Variants in SPOCK1 observed in about 807,000 individuals in gnomAD.
SPOCK1 encodes testican-1.
SPOCK1 carries 23 observed loss-of-function variants against 55.3 expected under a neutral mutation model. The observed-to-expected ratio is 0.42, with a 90% CI of 0.30 to 0.59. The LOEUF (loss-of-function observed/expected upper bound fraction) is 0.59, where lower values mean the gene tolerates loss of function less well. Among genes scored for constraint, SPOCK1 ranks in the 20% least tolerant of loss-of-function variants. The pLI, the probability that SPOCK1 is intolerant of heterozygous loss-of-function variation, is 0.22. For missense variants in SPOCK1, 499 were observed against 552.5 expected (o/e 0.90, Z 0.97); for synonymous variants, 226 against 221.0 (o/e 1.02, Z -0.20).
At chr5:137,434,247 G>GA (rs1035043631) in intron 2 of SPOCK1, among the ~76,000 whole-genome samples, 24 of 151,992 alleles carry the variant, frequency 1.6e-4, no homozygotes, top group Admixed American at 3.9e-4. Context: ...GTCATTTGGG[G>GA]AAAAAAGAGA....
At chr5:137,095,862 C>T (rs1753136511) in intron 5 of SPOCK1, among the ~76,000 whole-genome samples, 1 of 152,074 alleles carries the variant, frequency 6.6e-6, no homozygotes, top group Non-Finnish European at 1.5e-5. Context: ...AAATGTGGAT[C>T]TACAAAACAT....
chr5:137,477,906 G>C (rs528240555), intron 2 of SPOCK1, among the ~76,000 whole-genome samples: 1 of 152,312 alleles, frequency 6.6e-6, no homozygotes, highest in East Asian at 1.9e-4. Flanking sequence ...CTGTCAACTT[G>C]CTGGCTGCTG....
intron 3 of SPOCK1, among the ~76,000 whole-genome samples, chr5:137,164,561 G>A (rs971754192): frequency 2.0e-5 from 3 of 152,120 alleles, no homozygotes; most frequent in Non-Finnish European, 4.4e-5. Context: ...GCTTTCTTTT[G>A]TACCTTAGGT....
chr5:137,090,055 A>G (rs1440704608), intron 5 of SPOCK1, among the ~76,000 whole-genome samples: 1 of 152,168 alleles, frequency 6.6e-6, no homozygotes, highest in Non-Finnish European at 1.5e-5. Context: ...TTTGGTTGGG[A>G]CTACATGGAG....
chr5:136,978,854 TA>T lies in SPOCK1; in HGVS notation c.1130-11del. 1.3e-6 allele frequency: 2 copies of T among 1,596,320 alleles called. No homozygotes were observed. The highest frequency in any genetic ancestry group is 1.1e-5 in the South Asian group (1 of 87,434). ...GTTTCCTGCTCCTCTTCTGAAAGAT[TA>T]AAAAAAGCATTGAGGTTAGTTTCCA... On this transcript the variant is annotated splice_polypyrimidine_tract_variant and intron_variant, in intron 10 of 10. Transcript: ENST00000394945.
intron 2 of SPOCK1, among the ~76,000 whole-genome samples, chr5:137,419,779 T>A (rs1433753581): frequency 1.3e-5 from 2 of 152,228 alleles, no homozygotes; most frequent in African/African-American, 4.8e-5. Flanking sequence ...TTTTCCTAAT[T>A]GATTACCCTT....
Position 137,438,672 on chromosome 5 carries a change from A to G in SPOCK1, c.186+59701T>C, listed in dbSNP as rs556284219. Among the ~76,000 whole-genome samples, 128 of 152,282 alleles carry G rather than the reference A, an allele frequency of 8.4e-4. 1 individual carries two copies. Among genetic ancestry groups the G allele is most frequent in the African/African-American group, 2.9e-3 (119 of 41,566 alleles). Reference sequence around the variant, plus strand: ...TATGCACACACACACACACACACAGAAGCCACCAAGCTGAACCTGATGACC... The same window carrying G: ...TATGCACACACACACACACACACAGGAGCCACCAAGCTGAACCTGATGACC... On this transcript the variant is annotated intron_variant, in intron 2 of 10. Coordinates refer to ENST00000394945, the MANE Select transcript of SPOCK1 (RefSeq NM_004598.4).
intron 3 of SPOCK1, among the ~76,000 whole-genome samples, chr5:137,196,394 T>C (rs1186363739): frequency 1.3e-5 from 2 of 152,238 alleles, no homozygotes; most frequent in African/African-American, 4.8e-5. Context: ...ATGAGGACAG[T>C]ACTCCACAAG....
At chr5:137,066,981 CACACACAGAG>C (rs1038804015) in intron 6 of SPOCK1, among the ~76,000 whole-genome samples, 11 of 129,358 alleles carry the variant, frequency 8.5e-5, no homozygotes, top group Admixed American at 7.5e-4. Context: ...CACACACACA[CACACACAGAG>C]AGAGAGAGAG....
At chr5:137,362,017 G>A (rs796366511) in intron 2 of SPOCK1, among the ~76,000 whole-genome samples, 1 of 152,128 alleles carries the variant, frequency 6.6e-6, no homozygotes, top group Admixed American at 6.5e-5. Context: ...CAGAGATGGA[G>A]GTGGAAGAAA....
chr5:137,140,733 TC>T, intron 3 of SPOCK1, 39 bp from the exon 4 acceptor site: 2 of 691,650 alleles, frequency 2.9e-6, no homozygotes, highest in Non-Finnish European at 2.3e-6. Flanking sequence ...GTTTAGGACC[TC>T]CAGGGAAATT....
chr5:137,406,473 G>C (rs1752101984), intron 2 of SPOCK1, among the ~76,000 whole-genome samples: 1 of 152,174 alleles, frequency 6.6e-6, no homozygotes, highest in South Asian at 2.1e-4. Context: ...CTAATGGCTT[G>C]ACATGCAGTC....
chr5:137,063,951 C>A (rs771663268), intron 6 of SPOCK1, among the ~76,000 whole-genome samples: 1 of 152,126 alleles, frequency 6.6e-6, no homozygotes, highest in Non-Finnish European at 1.5e-5. Flanking sequence ...TGCCAGAAAA[C>A]CACGGAAGGG....
chr5:137,310,417 G>A (rs762434142), intron 2 of SPOCK1, among the ~76,000 whole-genome samples: 3 of 152,270 alleles, frequency 2.0e-5, no homozygotes, highest in Admixed American at 1.3e-4. Flanking sequence ...ATTTTATATC[G>A]TCTACTGAGT....
intron 6 of SPOCK1, among the ~76,000 whole-genome samples, chr5:137,037,019 G>A (rs996011353): frequency 2.0e-5 from 3 of 152,096 alleles, no homozygotes; most frequent in Non-Finnish European, 4.4e-5. Flanking sequence ...AGAACCAGCA[G>A]GTGCTCTCGC....
At chr5:137,013,059 AAG>A (rs930888408) in intron 6 of SPOCK1, among the ~76,000 whole-genome samples, 1 of 152,166 alleles carries the variant, frequency 6.6e-6, no homozygotes, top group African/African-American at 2.4e-5. Context: ...TGGAGGGAGA[AAG>A]AGAGACACAG....
chr5:137,434,665 A>T (rs1268348074), intron 2 of SPOCK1, among the ~76,000 whole-genome samples: 1 of 150,038 alleles, frequency 6.7e-6, no homozygotes, highest in African/African-American at 2.4e-5. Flanking sequence ...ACGCCCAGCT[A>T]ATTTTTTTTT....
intron 3 of SPOCK1, among the ~76,000 whole-genome samples, chr5:137,222,139 A>G (rs1755868312): frequency 6.6e-6 from 1 of 152,206 alleles, no homozygotes; most frequent in Admixed American, 6.5e-5. Flanking sequence ...CGCCATCAGG[A>G]GAGAGGACAA....
At chr5:137,134,959 C>A (rs188371408) in intron 4 of SPOCK1, among the ~76,000 whole-genome samples, 1 of 152,308 alleles carries the variant, frequency 6.6e-6, no homozygotes, top group African/African-American at 2.4e-5. Context: ...GATCTGAATT[C>A]TTTGCTGGTG....
Sources: allele counts gnomAD v4.1 joint callset (sites outside exome capture counted in the v4.1 genomes callset), GRCh38; gene constraint gnomAD v4.1.1; transcripts MANE v1.5; gene names NCBI Gene and HGNC (gene_info 2026-07-23, HGNC 2026-07-21).